The following DNAJC1 variants were observed in gnomAD, a reference collection of about 807,000 sequenced individuals.
DNAJC1 encodes the protein dnaJ homolog subfamily C member 1.
A neutral mutation model predicts 76.6 loss-of-function variants in DNAJC1; 58 were observed. That is an observed-to-expected ratio of 0.76 (90% confidence interval 0.61 to 0.94). The LOEUF (loss-of-function observed/expected upper bound fraction) is 0.94, where lower values mean the gene tolerates loss of function less well. Among genes scored for constraint, DNAJC1 ranks in the 40% least tolerant of loss-of-function variants. DNAJC1 has a pLI of 0.00. For missense variants in DNAJC1, 689 were observed against 677.3 expected (o/e 1.02, Z -0.19); for synonymous variants, 258 against 267.9 (o/e 0.96, Z 0.36).
intron 6 of DNAJC1, among the ~76,000 whole-genome samples, chr10:21,908,343 T>C (rs1836793750): frequency 7.1e-6 from 1 of 139,954 alleles, no homozygotes; most frequent in South Asian, 2.2e-4. Flanking sequence ...ATTTTGGAGA[T>C]AGTATTCAAG....
intron 8 of DNAJC1, among the ~76,000 whole-genome samples, chr10:21,852,075 A>C (rs1275700300): frequency 7.4e-6 from 1 of 135,568 alleles, no homozygotes; most frequent in African/African-American, 2.8e-5. Context: ...AAATAAAAAA[A>C]ATAAAAAATT....
At chr10:21,940,692 A>G (rs1179798263) in intron 1 of DNAJC1, among the ~76,000 whole-genome samples, 1 of 152,198 alleles carries the variant, frequency 6.6e-6, no homozygotes, top group Non-Finnish European at 1.5e-5. Flanking sequence ...TTAAAAAAGT[A>G]AGCGTTCTCC....
At chr10:21,951,001 G>A (rs1837584929) in intron 1 of DNAJC1, among the ~76,000 whole-genome samples, 1 of 152,130 alleles carries the variant, frequency 6.6e-6, no homozygotes, top group East Asian at 1.9e-4. Context: ...CTGCAGAAAT[G>A]CTTTAATTCA....
intron 8 of DNAJC1, among the ~76,000 whole-genome samples, chr10:21,833,681 G>A (rs1237139692): frequency 3.9e-5 from 6 of 152,088 alleles, no homozygotes; most frequent in African/African-American, 1.4e-4. Context: ...CACATGAAGT[G>A]CGCAGAACAG....
intron 8 of DNAJC1, among the ~76,000 whole-genome samples, chr10:21,824,434 C>T (rs1010736751): frequency 1.3e-5 from 2 of 152,138 alleles, no homozygotes; most frequent in African/African-American, 4.8e-5. Flanking sequence ...TGTCTCGAAA[C>T]AGGAAAAGTT....
At chr10:21,984,959 C>A (rs1838215534) in intron 1 of DNAJC1, among the ~76,000 whole-genome samples, 1 of 152,162 alleles carries the variant, frequency 6.6e-6, no homozygotes, top group Non-Finnish European at 1.5e-5. Context: ...TCAGATATAT[C>A]ATAATTCACA....
chr10:21,776,847 T>C (rs990111750), intron 9 of DNAJC1, among the ~76,000 whole-genome samples: 1 of 152,186 alleles, frequency 6.6e-6, no homozygotes, highest in African/African-American at 2.4e-5. Flanking sequence ...AAAAAGACAA[T>C]TGTGTAGTCT....
At chr10:21,769,934 C>T (rs1303391499) in intron 9 of DNAJC1, among the ~76,000 whole-genome samples, 1 of 152,168 alleles carries the variant, frequency 6.6e-6, no homozygotes, top group African/African-American at 2.4e-5. Flanking sequence ...GATCCACCCA[C>T]CTCGGCCTCC....
intron 9 of DNAJC1, among the ~76,000 whole-genome samples, chr10:21,784,556 A>G (rs1339616144): frequency 6.6e-6 from 1 of 152,240 alleles, no homozygotes. Context: ...CTGGGTATGT[A>G]CCCAAAGGAT....
chr10:21,864,603 C>A (rs1196629164), intron 8 of DNAJC1, among the ~76,000 whole-genome samples: 1 of 143,610 alleles, frequency 7.0e-6, no homozygotes, highest in African/African-American at 2.7e-5. Flanking sequence ...GCCTGGGCGA[C>A]AGAGTGAGAC....
chr10:21,878,098 G>C (rs1187958300), intron 8 of DNAJC1, among the ~76,000 whole-genome samples: 1 of 152,120 alleles, frequency 6.6e-6, no homozygotes, highest in African/African-American at 2.4e-5. Context: ...ATTTTTTCTT[G>C]TAATGTCATG....
At chr10:21,916,079 T>G (rs1036298209) in intron 6 of DNAJC1, among the ~76,000 whole-genome samples, 1 of 152,158 alleles carries the variant, frequency 6.6e-6, no homozygotes, top group African/African-American at 2.4e-5. Flanking sequence ...TCTACAAAGA[T>G]TATACAATTA....
chr10:21,789,664 T>C (rs1441231426), intron 9 of DNAJC1, among the ~76,000 whole-genome samples: 1 of 151,322 alleles, frequency 6.6e-6, no homozygotes, highest in Non-Finnish European at 1.5e-5. Flanking sequence ...GAGATAAATA[T>C]CATGAAAAAG....
chr10:21,779,053 C>A (rs934395964), intron 9 of DNAJC1, among the ~76,000 whole-genome samples: 2 of 152,130 alleles, frequency 1.3e-5, no homozygotes, highest in Non-Finnish European at 2.9e-5. Context: ...GGGGGAGGGG[C>A]GCCTGCCATT....
intron 1 of DNAJC1, among the ~76,000 whole-genome samples, chr10:21,971,131 A>G (rs1197558113): frequency 2.0e-5 from 3 of 151,936 alleles, no homozygotes; most frequent in East Asian, 3.9e-4. Context: ...CACTGGACAC[A>G]TAAGTATATA....
chr10:21,823,149 A>T (rs1672809575), intron 8 of DNAJC1, among the ~76,000 whole-genome samples: 1 of 152,184 alleles, frequency 6.6e-6, no homozygotes, highest in Non-Finnish European at 1.5e-5. Context: ...AAGAGACTTG[A>T]ACTGAAGTCT....
intron 1 of DNAJC1, among the ~76,000 whole-genome samples, chr10:21,965,732 A>G (rs1366998988): frequency 6.6e-6 from 1 of 152,190 alleles, no homozygotes; most frequent in Non-Finnish European, 1.5e-5. Context: ...ACACCTCCCC[A>G]TATATACGAG....
chr10:21,918,690 A>T, intron 6 of DNAJC1, 89 bp downstream of exon 6: 2 of 899,558 alleles, frequency 2.2e-6, no homozygotes, highest in Admixed American at 4.0e-5. Flanking sequence ...ACTGCATATC[A>T]GCATTCAGAG....
chr10:21,872,073 CTTT>C (rs546290479), intron 8 of DNAJC1, among the ~76,000 whole-genome samples: 6 of 133,000 alleles, frequency 4.5e-5, no homozygotes, highest in Admixed American at 7.6e-5. Flanking sequence ...GTTAAATCAT[CTTT>C]TTTTTTTTTT....
Sources: gnomAD v4.1 joint callset for allele counts (sites outside exome capture counted in the v4.1 genomes callset) on GRCh38, gnomAD v4.1.1 for gene constraint, MANE v1.5 for transcripts, NCBI Gene and HGNC (gene_info 2026-07-23, HGNC 2026-07-21) for gene names.